Variants in PRR16 observed in about 807,000 individuals in gnomAD.
PRR16 encodes proline rich 16, also known as protein Largen.
A neutral mutation model predicts 18.2 loss-of-function variants in PRR16; 6 were observed. The observed-to-expected ratio is 0.33, with a 90% CI of 0.18 to 0.65. The LOEUF (loss-of-function observed/expected upper bound fraction) is 0.65, where lower values mean the gene tolerates loss of function less well. PRR16 is among the 30% of genes least tolerant of loss of function. The pLI, the probability that PRR16 is intolerant of heterozygous loss-of-function variation, is 0.74. For missense variants in PRR16, 412 were observed against 376.6 expected (o/e 1.09, Z -0.78); for synonymous variants, 151 against 147.8 (o/e 1.02, Z -0.16).
chr5:120,464,658 G>A lies in PRR16; in HGVS notation c.159+13G>A, dbSNP rs750179253. 24 of 1,543,590 alleles carry A rather than the reference G, an allele frequency of 1.6e-5. No homozygotes were observed. In the African/African-American group the frequency reaches 2.8e-4, roughly 18 times the overall value. ...GGAACTTAAGGAGGTGAGAGGCGCAGGGGTGGGGAGGGAGTTCGGCACCCT... is the reference window on the plus strand; with the variant it reads ...GGAACTTAAGGAGGTGAGAGGCGCAAGGGTGGGGAGGGAGTTCGGCACCCT... On this transcript the variant is annotated intron_variant, in intron 1 of 1. Coordinates refer to ENST00000407149, the MANE Select transcript of PRR16 (RefSeq NM_001300783.2).
At chr5:120,785,232 A>C in the PRR16 span, among the ~76,000 whole-genome samples, 2 of 152,092 alleles carry the variant, frequency 1.3e-5, no homozygotes, top group Non-Finnish European at 2.9e-5. Flanking sequence ...CCTTTTTCTA[A>C]CTCTGCAAAG....
intron 1 of PRR16, among the ~76,000 whole-genome samples, chr5:120,583,627 T>C (rs1753345810): frequency 6.6e-6 from 1 of 152,136 alleles, no homozygotes; most frequent in Non-Finnish European, 1.5e-5. Flanking sequence ...ACTGTAAATC[T>C]TGAGATTTGG....
intron 1 of PRR16, among the ~76,000 whole-genome samples, chr5:120,609,088 T>C (rs1754250173): frequency 6.6e-6 from 1 of 152,094 alleles, no homozygotes; most frequent in Non-Finnish European, 1.5e-5. Context: ...AGATGTTCTT[T>C]TTTTTTCAAC....
At chr5:120,568,682 A>T (rs1353357419) in intron 1 of PRR16, among the ~76,000 whole-genome samples, 2 of 152,270 alleles carry the variant, frequency 1.3e-5, no homozygotes, top group East Asian at 3.9e-4. Context: ...ACAGGGTAAT[A>T]CAAATGTGAG....
In PRR16 at chr5:120,598,486, T is replaced by C. The variant is rs188740797; in HGVS notation, c.160-87468T>C. Among the ~76,000 whole-genome samples the C allele has an allele frequency of 9.6e-4, 146 of 151,982 alleles. 1 individual carries two copies. The highest frequency in any genetic ancestry group is 2.3e-3 in the South Asian group (11 of 4,824). ...ATGCACATTTGCTGTAAAGCTATAT[T>C]GTGTGGTGCTGAGATTCAGGGTATG... On this transcript the variant is annotated intron_variant, in intron 1 of 1. Coordinates refer to ENST00000407149, the MANE Select transcript of PRR16 (RefSeq NM_001300783.2).
intron 1 of PRR16, among the ~76,000 whole-genome samples, chr5:120,616,503 C>CAG (rs1398607297): frequency 6.6e-6 from 1 of 152,170 alleles, no homozygotes; most frequent in Admixed American, 6.6e-5. Context: ...GAGGTTGGCT[C>CAG]AGCCCATTCA....
intron 1 of PRR16, among the ~76,000 whole-genome samples, chr5:120,489,707 G>C (rs193038666): frequency 6.6e-6 from 1 of 152,222 alleles, no homozygotes; most frequent in African/African-American, 2.4e-5. Context: ...GATGTTAGCT[G>C]GTTAGTTTGC....
At chr5:120,481,952 G>C (rs1432482230) in intron 1 of PRR16, among the ~76,000 whole-genome samples, 3 of 151,922 alleles carry the variant, frequency 2.0e-5, no homozygotes, top group Non-Finnish European at 4.4e-5. Context: ...CTTTTTTATT[G>C]TTGTTATGAG....
At chr5:120,533,070 G>A (rs568899464) in intron 1 of PRR16, among the ~76,000 whole-genome samples, 2 of 152,232 alleles carry the variant, frequency 1.3e-5, no homozygotes, top group East Asian at 1.9e-4. Flanking sequence ...TGGGGGCTAC[G>A]GCAACTGCAC....
At chr5:120,493,532 C>T (rs1301898530) in intron 1 of PRR16, among the ~76,000 whole-genome samples, 1 of 152,090 alleles carries the variant, frequency 6.6e-6, no homozygotes, top group Non-Finnish European at 1.5e-5. Context: ...GATCCCATTT[C>T]TCTTTACCCA....
chr5:120,642,063 C>G (rs927123490), intron 1 of PRR16, among the ~76,000 whole-genome samples: 2 of 152,078 alleles, frequency 1.3e-5, no homozygotes, highest in East Asian at 3.9e-4. Context: ...CAAGTCCTGT[C>G]AGTCCTACCT....
chr5:120,615,444 A>C (rs1754478864), intron 1 of PRR16, among the ~76,000 whole-genome samples: 1 of 140,714 alleles, frequency 7.1e-6, no homozygotes, highest in South Asian at 2.2e-4. Flanking sequence ...GGATACAGAG[A>C]TATGTAATTT....
chr5:120,641,157 C>G (rs954847162), intron 1 of PRR16, among the ~76,000 whole-genome samples: 50 of 152,116 alleles, frequency 3.3e-4, no homozygotes, highest in African/African-American at 1.2e-3. Flanking sequence ...GAGGCAATAG[C>G]AAATATGACT....
At chr5:120,553,139 G>A (rs1302854162) in intron 1 of PRR16, among the ~76,000 whole-genome samples, 3 of 151,492 alleles carry the variant, frequency 2.0e-5, no homozygotes, top group Non-Finnish European at 4.4e-5. Flanking sequence ...ATGGTTTGAG[G>A]ATATAAAAAA....
At chr5:120,650,540 C>T (rs1310754777) in intron 1 of PRR16, among the ~76,000 whole-genome samples, 2 of 146,592 alleles carry the variant, frequency 1.4e-5, no homozygotes, top group African/African-American at 2.5e-5. Context: ...CATGTGTTCT[C>T]ATTGTTCAAT....
Position 120,686,710 on chromosome 5 carries a change from T to TG in PRR16, c.*2dup, listed in dbSNP as rs1166438685. ...GAAGTCAACCACTACAACCGTGTGA[T>TG]GTATGCCATTAAAAAAATTGTTTTT... On this transcript the variant is annotated 3_prime_UTR_variant, in exon 2 of 2. Transcript: ENST00000407149. 12 of 1,465,106 alleles carry TG rather than the reference T, an allele frequency of 8.2e-6. No homozygotes were observed. Among genetic ancestry groups the TG allele is most frequent in the Non-Finnish European group, 1.1e-5 (12 of 1,104,678 alleles). The allele number at this position is 1,465,106 out of a possible 1,614,324, so 90.8% of individuals were successfully genotyped here. A position where few individuals can be genotyped will look rare whatever the true frequency, so the allele number is the denominator to read the frequency against.
At chr5:120,621,314 T>C (rs1355326296) in intron 1 of PRR16, among the ~76,000 whole-genome samples, 1 of 152,138 alleles carries the variant, frequency 6.6e-6, no homozygotes, top group Non-Finnish European at 1.5e-5. Context: ...CCTGGGCTTC[T>C]TCCTGCTGCT....
chr5:120,626,746 C>T (rs10463729), intron 1 of PRR16, among the ~76,000 whole-genome samples: 35,731 of 151,934 alleles, frequency 0.24, 5,761 homozygotes, highest in African/African-American at 0.45. Context: ...TTAAACTTAT[C>T]TGTGGTTCCC....
At chr5:120,680,807 G>C (rs1362615768) in intron 1 of PRR16, among the ~76,000 whole-genome samples, 1 of 152,120 alleles carries the variant, frequency 6.6e-6, no homozygotes, top group African/African-American at 2.4e-5. Context: ...TGAGTGTGTG[G>C]TTTTTAGTGT....
Sources: gnomAD v4.1 joint callset for allele counts (sites outside exome capture counted in the v4.1 genomes callset) on GRCh38, gnomAD v4.1.1 for gene constraint, MANE v1.5 for transcripts, NCBI Gene and HGNC (gene_info 2026-07-23, HGNC 2026-07-21) for gene names.